Variants in FHIT observed in about 807,000 individuals in gnomAD.
FHIT encodes bis(5'-adenosyl)-triphosphatase.
FHIT carries 19 observed loss-of-function variants against 17.9 expected under a neutral mutation model. The ratio of observed to expected loss-of-function variants is 1.06; its 90% CI spans 0.74 to 1.56. The LOEUF (loss-of-function observed/expected upper bound fraction) is 1.56. Ranked by LOEUF, FHIT falls within the 40% of genes most tolerant of loss-of-function variation. The probability of loss-of-function intolerance (pLI) is 0.00; values close to 1 mark genes in which losing one functional copy is unlikely to be tolerated. For synonymous variants in FHIT, 81 were observed against 69.7 expected (o/e 1.16, Z -0.81); for missense variants, 248 against 189.2 (o/e 1.31, Z -1.82).
chr3:60,562,395 G>T (rs1036067453), intron 4 of FHIT, among the ~76,000 whole-genome samples: 1 of 152,144 alleles, frequency 6.6e-6, no homozygotes, highest in African/African-American at 2.4e-5. Flanking sequence ...GTGGCAGCAG[G>T]ACTGTTGTTT....
At chr3:60,159,112 C>A (rs1700830075) in intron 5 of FHIT, among the ~76,000 whole-genome samples, 1 of 151,996 alleles carries the variant, frequency 6.6e-6, no homozygotes, top group South Asian at 2.1e-4. Flanking sequence ...CACAGATATA[C>A]TGTATATGTT....
chr3:61,043,551 G>A (rs1371445788), intron 2 of FHIT, among the ~76,000 whole-genome samples: 2 of 152,222 alleles, frequency 1.3e-5, no homozygotes, highest in African/African-American at 2.4e-5. Context: ...ACCTCTGGGG[G>A]CAGGGCACAG....
intron 5 of FHIT, among the ~76,000 whole-genome samples, chr3:60,354,902 A>G (rs553527956): frequency 6.6e-6 from 1 of 152,268 alleles, no homozygotes; most frequent in African/African-American, 2.4e-5. Flanking sequence ...AGTTAGTCCT[A>G]TGGACCTTTT....
intron 5 of FHIT, among the ~76,000 whole-genome samples, chr3:60,355,753 T>C (rs1482200961): frequency 2.0e-5 from 3 of 152,204 alleles, no homozygotes; most frequent in Admixed American, 6.5e-5. Context: ...GACAAATAGA[T>C]GACAAATGTC....
At chr3:60,844,325 G>A (rs1403276993) in intron 3 of FHIT, among the ~76,000 whole-genome samples, 3 of 152,018 alleles carry the variant, frequency 2.0e-5, no homozygotes, top group Admixed American at 6.6e-5. Context: ...AAGGCATTTT[G>A]TGCAATCCTG....
At chr3:60,716,089 A>G (rs2041676229) in intron 4 of FHIT, among the ~76,000 whole-genome samples, 1 of 151,992 alleles carries the variant, frequency 6.6e-6, no homozygotes, top group South Asian at 2.1e-4. Context: ...TAAAAATACA[A>G]ACAAATTAGC....
At chr3:60,315,226 G>A (rs1280370155) in intron 5 of FHIT, among the ~76,000 whole-genome samples, 2 of 152,048 alleles carry the variant, frequency 1.3e-5, no homozygotes, top group Non-Finnish European at 2.9e-5. Context: ...CACAACCTTG[G>A]GAGACATAAT....
chr3:60,923,956 C>T (rs528045036), intron 3 of FHIT, among the ~76,000 whole-genome samples: 1 of 152,300 alleles, frequency 6.6e-6, no homozygotes, highest in South Asian at 2.1e-4. Flanking sequence ...GAGCCTCCCT[C>T]ATTGCTAGGA....
intron 5 of FHIT, among the ~76,000 whole-genome samples, chr3:60,239,882 G>T (rs978321101): frequency 3.3e-5 from 5 of 152,122 alleles, no homozygotes; most frequent in Admixed American, 6.5e-5. Context: ...TTGAGACCTT[G>T]GTTCTCTATT....
At chr3:61,018,548 G>C (rs1047698049) in intron 3 of FHIT, among the ~76,000 whole-genome samples, 1 of 152,190 alleles carries the variant, frequency 6.6e-6, no homozygotes, top group Non-Finnish European at 1.5e-5. Flanking sequence ...GATATGGTTA[G>C]ACAGTCAGAT....
chr3:60,428,341 T>C (rs1702752877), intron 5 of FHIT, among the ~76,000 whole-genome samples: 1 of 152,170 alleles, frequency 6.6e-6, no homozygotes, highest in African/African-American at 2.4e-5. Flanking sequence ...AATTATTACC[T>C]GGAATCGTGG....
chr3:59,858,720 C>T (rs777427240), intron 8 of FHIT, among the ~76,000 whole-genome samples: 3 of 151,616 alleles, frequency 2.0e-5, no homozygotes, highest in Admixed American at 6.6e-5. Flanking sequence ...ATGAGATGTA[C>T]GCAGGTGGTG....
At chr3:60,161,313 C>T (rs922657473) in intron 5 of FHIT, among the ~76,000 whole-genome samples, 4 of 152,188 alleles carry the variant, frequency 2.6e-5, no homozygotes, top group African/African-American at 4.8e-5. Flanking sequence ...AAAAGCAAAA[C>T]GGCACAACGT....
intron 3 of FHIT, among the ~76,000 whole-genome samples, chr3:60,918,067 C>T (rs1282159849): frequency 2.0e-5 from 3 of 152,114 alleles, no homozygotes; most frequent in Admixed American, 6.5e-5. Context: ...ATACTGTTCT[C>T]GTGGTAGTAA....
At chr3:61,235,872 T>C (rs1277768947) in intron 1 of FHIT, among the ~76,000 whole-genome samples, 3 of 152,128 alleles carry the variant, frequency 2.0e-5, no homozygotes, top group Non-Finnish European at 4.4e-5. Context: ...AACTACCCCA[T>C]TCACCTTGTC....
chr3:60,860,449 G>C (rs1415948111), intron 3 of FHIT, among the ~76,000 whole-genome samples: 1 of 120,340 alleles, frequency 8.3e-6, no homozygotes, highest in African/African-American at 3.2e-5. Context: ...ATGTATATAT[G>C]ATACATATGT....
At chr3:60,427,309 A>G (rs142250723) in intron 5 of FHIT, among the ~76,000 whole-genome samples, 4 of 152,118 alleles carry the variant, frequency 2.6e-5, no homozygotes, top group East Asian at 1.9e-4. Context: ...AATCACAAGG[A>G]AACAGATTCT....
intron 8 of FHIT, among the ~76,000 whole-genome samples, chr3:59,869,176 C>G (rs1470813762): frequency 6.6e-6 from 1 of 152,194 alleles, no homozygotes; most frequent in East Asian, 1.9e-4. Flanking sequence ...TGAAATGAAA[C>G]TACGGCTCCT....
intron 7 of FHIT, among the ~76,000 whole-genome samples, chr3:59,955,440 G>A (rs1055678605): frequency 5.3e-5 from 8 of 152,014 alleles, no homozygotes; most frequent in African/African-American, 1.5e-4. Context: ...CTTCCCCAGC[G>A]ACACACTTTT....
Sources: allele counts gnomAD v4.1 joint callset (sites outside exome capture counted in the v4.1 genomes callset), GRCh38; gene constraint gnomAD v4.1.1; transcripts MANE v1.5; gene names NCBI Gene and HGNC (gene_info 2026-07-23, HGNC 2026-07-21).